DLEU7: variants seen among roughly 807,000 people sequenced by gnomAD.
The protein encoded by DLEU7 is leukemia-associated protein 7.
In DLEU7, 17 loss-of-function variants were observed where a neutral mutation model predicts 16.0. The ratio of observed to expected loss-of-function variants is 1.06; its 90% confidence interval spans 0.73 to 1.59. DLEU7 has a LOEUF of 1.59. Among genes scored for constraint, DLEU7 ranks in the 40% most tolerant of loss-of-function variants. The pLI is 0.00. For synonymous variants in DLEU7, 113 were observed against 139.8 expected (o/e 0.81, Z 1.35); for missense variants, 308 against 314.9 (o/e 0.98, Z 0.17).
At chr13:50,774,006 C>T (rs1875411518) in intron 1 of DLEU7, among the ~76,000 whole-genome samples, 2 of 152,162 alleles carry the variant, frequency 1.3e-5, no homozygotes, top group Non-Finnish European at 1.5e-5. Flanking sequence ...GCTGCTGCCC[C>T]GCAGTTCGAT....
chr13:50,739,057 A>T (rs1255427037), intron 1 of DLEU7, among the ~76,000 whole-genome samples: 1 of 151,362 alleles, frequency 6.6e-6, no homozygotes, highest in Non-Finnish European at 1.5e-5. Context: ...TCTTCTTATC[A>T]TGTTCTTTCC....
chr13:50,770,130 A>G (rs1218404725), intron 1 of DLEU7, among the ~76,000 whole-genome samples: 1 of 152,146 alleles, frequency 6.6e-6, no homozygotes, highest in Non-Finnish European at 1.5e-5. Context: ...TTGTATCCTG[A>G]GACTTTGCTG....
intron 1 of DLEU7, among the ~76,000 whole-genome samples, chr13:50,816,155 G>C (rs1039714562): frequency 1.3e-5 from 2 of 151,914 alleles, no homozygotes; most frequent in Non-Finnish European, 2.9e-5. Context: ...TTCCATTATG[G>C]TTTATATGAC....
chr13:50,795,756 C>A (rs1261610525), intron 1 of DLEU7, among the ~76,000 whole-genome samples: 1 of 151,846 alleles, frequency 6.6e-6, no homozygotes, highest in African/African-American at 2.4e-5. Context: ...ACTCACACTG[C>A]GATTATTTTT....
chr13:50,758,529 C>A (rs963252320), intron 1 of DLEU7, among the ~76,000 whole-genome samples: 4 of 152,194 alleles, frequency 2.6e-5, no homozygotes, highest in African/African-American at 9.7e-5. Flanking sequence ...CAGTAGCTTT[C>A]ATGAAGCTGC....
intron 1 of DLEU7, chr13:50,713,324 A>G: frequency 3.3e-6 from 5 of 1,510,224 alleles, no homozygotes; most frequent in Non-Finnish European, 4.5e-6. Context: ...ACTGAGCACT[A>G]TATTGCATTT....
chr13:50,814,763 T>A (rs965506093), intron 1 of DLEU7, among the ~76,000 whole-genome samples: 4 of 137,698 alleles, frequency 2.9e-5, no homozygotes, highest in African/African-American at 7.7e-5. Context: ...TTCATGTGAG[T>A]GTGTGTGTGT....
rs556594890 is a variant in DLEU7, at chr13:50,790,238, G to C, written c.459+52950C>G. Among the ~76,000 whole-genome samples the C allele has an allele frequency of 7.2e-5, 11 of 152,092 alleles. No individual in the cohort carries two copies. The South Asian group carries it at 2.3e-3, about 32-fold the overall frequency. ...GTGAGCCACCACACCCGGCCTCCCA[G>C]AGCCATCTTGTCACATGATTATTTG... On this transcript the variant is annotated intron_variant, in intron 1 of 1. Coordinates refer to the DLEU7 transcript ENST00000400393.
intron 1 of DLEU7, among the ~76,000 whole-genome samples, chr13:50,717,160 A>G (rs1252884993): frequency 6.6e-6 from 1 of 152,242 alleles, no homozygotes; most frequent in Admixed American, 6.5e-5. Context: ...CTTGGCACAC[A>G]GTGGGTATTC....
chr13:50,719,464 T>G (rs1873532426), intron 1 of DLEU7, among the ~76,000 whole-genome samples: 1 of 152,220 alleles, frequency 6.6e-6, no homozygotes, highest in East Asian at 1.9e-4. Context: ...TTAAAAACTC[T>G]TCCTCATAAA....
At chr13:50,826,088 C>A (rs981190951) in intron 1 of DLEU7, among the ~76,000 whole-genome samples, 1 of 150,690 alleles carries the variant, frequency 6.6e-6, no homozygotes, top group Non-Finnish European at 1.5e-5. Context: ...CAATTCCCAC[C>A]TGTGAGAAGG....
chr13:50,837,485 T>A (rs574750467), intron 1 of DLEU7, among the ~76,000 whole-genome samples: 1 of 152,332 alleles, frequency 6.6e-6, no homozygotes, highest in African/African-American at 2.4e-5. Flanking sequence ...TCTAGAGCAG[T>A]CACCGTATCC....
intron 1 of DLEU7, among the ~76,000 whole-genome samples, chr13:50,802,180 C>G (rs553936914): frequency 5.9e-4 from 80 of 136,302 alleles, no homozygotes; most frequent in African/African-American, 2.1e-3. Context: ...TTTCTGGGAA[C>G]AGGCCTGATG....
intron 1 of DLEU7, among the ~76,000 whole-genome samples, chr13:50,748,372 AT>A (rs1194208582): frequency 6.6e-6 from 1 of 151,736 alleles, no homozygotes; most frequent in Non-Finnish European, 1.5e-5. Context: ...ACCCTGGGTC[AT>A]TGGTAAATTA....
rs530785861 is a variant in DLEU7, at chr13:50,761,214, G to C, written c.460-47974C>G. Among the ~76,000 whole-genome samples, 180 of 152,318 alleles carry C rather than the reference G, an allele frequency of 1.2e-3. 1 individual carries two copies. Among genetic ancestry groups the C allele is most frequent in the African/African-American group, 4.0e-3 (166 of 41,574 alleles). The stretch of plus-strand genomic sequence containing the variant: ...ATACCAGGCATGAGAAGGATCCAAA[G>C]GGGCGTTGTAACTTGGGGAAGGAGG... On this transcript the variant is annotated intron_variant, in intron 1 of 1. Coordinates refer to the DLEU7 transcript ENST00000400393.
chr13:50,734,858 T>C (rs1455520454), intron 1 of DLEU7, among the ~76,000 whole-genome samples: 1 of 151,868 alleles, frequency 6.6e-6, no homozygotes, highest in African/African-American at 2.4e-5. Flanking sequence ...TAAGGAAGAG[T>C]AATAAACTTC....
intron 1 of DLEU7, among the ~76,000 whole-genome samples, chr13:50,816,225 C>G (rs2137795535): frequency 6.6e-6 from 1 of 152,074 alleles, no homozygotes; most frequent in Admixed American, 6.6e-5. Flanking sequence ...CATTCTCTCC[C>G]TTTCATCCTT....
chr13:50,841,891 C>G (rs1186451874), intron 1 of DLEU7, among the ~76,000 whole-genome samples: 1 of 152,100 alleles, frequency 6.6e-6, no homozygotes, highest in African/African-American at 2.4e-5. Context: ...GCTTCATTTT[C>G]TAACTTTCTA....
chr13:50,799,066 G>C (rs1272784152), intron 1 of DLEU7, among the ~76,000 whole-genome samples: 3 of 152,176 alleles, frequency 2.0e-5, no homozygotes, highest in African/African-American at 7.2e-5. Flanking sequence ...TCAAAAGCCA[G>C]AACAGGGTCC....
Sources: allele counts gnomAD v4.1 joint callset (sites outside exome capture counted in the v4.1 genomes callset), GRCh38; gene constraint gnomAD v4.1.1; transcripts MANE v1.5; gene names NCBI Gene and HGNC (gene_info 2026-07-23, HGNC 2026-07-21).